WDR64: variants seen among roughly 807,000 people sequenced by gnomAD.
WDR64 encodes the protein WD repeat domain 64, also known as WD repeat-containing protein 64.
WDR64 carries 112 observed loss-of-function variants against 139.3 expected under a neutral mutation model. The observed-to-expected ratio is 0.80, with a 90% CI of 0.69 to 0.94. WDR64 has a LOEUF of 0.94. WDR64 is among the 40% of genes least tolerant of loss of function. The pLI, the probability that WDR64 is intolerant of heterozygous loss-of-function variation, is 0.00. For missense variants in WDR64, 1,206 were observed against 1,293.1 expected (o/e 0.93, Z 1.03); for synonymous variants, 444 against 437.7 (o/e 1.01, Z -0.18).
intron 13 of WDR64, 114 bp from the exon 14 acceptor site, chr1:241,749,433 T>C: frequency 8.0e-7 from 1 of 1,252,676 alleles, no homozygotes; most frequent in South Asian, 1.4e-5. Context: ...AGGGAATAAA[T>C]ATAGGATAAA....
chr1:241,698,697 C>A (rs1488625087), intron 8 of WDR64, among the ~76,000 whole-genome samples: 1 of 152,164 alleles, frequency 6.6e-6, no homozygotes, highest in Non-Finnish European at 1.5e-5. Flanking sequence ...CCTCTTCTTT[C>A]TGTCCCCCAA....
rs139463512 is a variant in WDR64 at position 241,767,125 on chromosome 1, T to A, written c.2081+774T>A. 9.3e-3 allele frequency among the ~76,000 whole-genome samples: 1,419 copies of A among 152,236 alleles called. 21 individuals carry two copies. The highest frequency in any genetic ancestry group is 0.01 in the Non-Finnish European group (694 of 68,012). On this transcript the variant is annotated intron_variant, in intron 16 of 27. Transcript: ENST00000437684. ...ACTTCTCCCCTTCCTGTATCCCCAG[T>A]GCCACCACCATCTACTCAGCCACCA...
intron 15 of WDR64, among the ~76,000 whole-genome samples, chr1:241,758,529 G>A (rs996367560): frequency 1.3e-5 from 2 of 152,154 alleles, no homozygotes; most frequent in Non-Finnish European, 2.9e-5. Flanking sequence ...CAATTTTAAA[G>A]TGAAGAATAG....
intron 25 of WDR64, among the ~76,000 whole-genome samples, chr1:241,793,423 C>T (rs183357484): frequency 1.3e-5 from 2 of 152,274 alleles, no homozygotes; most frequent in South Asian, 2.1e-4. Flanking sequence ...TTAACAGTAT[C>T]TACCTTCAAA....
At chr1:241,779,130 G>C (rs937709532) in intron 21 of WDR64, among the ~76,000 whole-genome samples, 2 of 151,910 alleles carry the variant, frequency 1.3e-5, no homozygotes, top group Admixed American at 6.6e-5. Flanking sequence ...GGTTAATTTT[G>C]CAAAGTACAG....
chr1:241,771,925 T>TACATACAC (rs1232826058), intron 19 of WDR64, among the ~76,000 whole-genome samples: 2 of 53,862 alleles, frequency 3.7e-5, no homozygotes, highest in Non-Finnish European at 8.2e-5. Flanking sequence ...CATATATACA[T>TACATACAC]ACATATACAT....
intron 14 of WDR64, among the ~76,000 whole-genome samples, chr1:241,752,716 TG>T (rs1426428399): frequency 6.6e-6 from 1 of 152,112 alleles, no homozygotes; most frequent in African/African-American, 2.4e-5. Context: ...CCAGGCATGG[TG>T]TCACACACCT....
At chr1:241,727,255 A>G (rs1574046627) in intron 10 of WDR64, among the ~76,000 whole-genome samples, 1 of 152,234 alleles carries the variant, frequency 6.6e-6, no homozygotes, top group Non-Finnish European at 1.5e-5. Context: ...AAAACTAAAA[A>G]CATGTTACGA....
intron 10 of WDR64, among the ~76,000 whole-genome samples, chr1:241,732,424 A>T (rs140050821): frequency 2.4e-4 from 36 of 152,296 alleles, no homozygotes; most frequent in African/African-American, 7.0e-4. Context: ...AGAATTTTGT[A>T]ATTATTTGAT....
chr1:241,761,361 T>C (rs1475506786), intron 15 of WDR64, among the ~76,000 whole-genome samples: 6 of 152,140 alleles, frequency 3.9e-5, no homozygotes, highest in African/African-American at 7.2e-5. Flanking sequence ...ACCTTTAATA[T>C]AGCCCCAAAC....
chr1:241,771,902 A>C (rs1294334994), intron 19 of WDR64, among the ~76,000 whole-genome samples: 4 of 143,534 alleles, frequency 2.8e-5, no homozygotes, highest in African/African-American at 7.6e-5. Context: ...ATATACATAC[A>C]TACACACATA....
intron 4 of WDR64, among the ~76,000 whole-genome samples, chr1:241,676,596 G>A (rs893675403): frequency 1.2e-4 from 18 of 151,994 alleles, no homozygotes; most frequent in Non-Finnish European, 1.9e-4. Flanking sequence ...TAAGTCAGGC[G>A]GCATTATCAC....
intron 12 of WDR64, among the ~76,000 whole-genome samples, chr1:241,742,337 G>T (rs1360680548): frequency 6.6e-6 from 1 of 152,180 alleles, no homozygotes. Context: ...AGAGCTACTG[G>T]GCTGCATTCC....
At position 241,671,103 on chromosome 1, in the gene WDR64, T is replaced by C. The variant is rs761041861; in HGVS notation, c.306T>C (p.Asp102=). 25 of 1,550,842 alleles carry C rather than the reference T, an allele frequency of 1.6e-5. No homozygotes were observed. The highest frequency in any genetic ancestry group is 1.7e-4 in the Middle Eastern group (1 of 6,010). ...EIFGYFSSEE[D]PIASQLDEEN... ...TTGGATACTTCTCCTCTGAAGAAGATCCTATTGCTTCCCAGTTGGATGAAG... is the reference window on the plus strand; with the variant it reads ...TTGGATACTTCTCCTCTGAAGAAGACCCTATTGCTTCCCAGTTGGATGAAG... Residue 102 remains aspartate, a synonymous_variant, in exon 3 of 28, where the codon GAT becomes GAC. Transcript: ENST00000437684.
chr1:241,777,379 C>T lies in WDR64; in HGVS notation c.2536+2169C>T, dbSNP rs534284178. On this transcript the variant is annotated intron_variant, in intron 21 of 27. Transcript: ENST00000437684. ...TAAGTTTCCATGTGAGCAATGCTCT[C>T]GCTGCATACCACAAATTTTGATAAG... 1.4e-4 allele frequency among the ~76,000 whole-genome samples: 21 copies of T among 151,658 alleles called. 1 individual carries two copies. In the South Asian group the frequency reaches 3.3e-3, roughly 24 times the overall value.
chr1:241,795,849 T>C (rs1315484514), intron 26 of WDR64, among the ~76,000 whole-genome samples: 2 of 152,222 alleles, frequency 1.3e-5, no homozygotes, highest in African/African-American at 2.4e-5. Flanking sequence ...CAAATTAACT[T>C]ATATCTTAGA....
chr1:241,773,956 A>C (rs1658557095), intron 20 of WDR64, among the ~76,000 whole-genome samples: 1 of 152,240 alleles, frequency 6.6e-6, no homozygotes, highest in Non-Finnish European at 1.5e-5. Flanking sequence ...TTAGTTTACC[A>C]AACAGTTGAA....
intron 16 of WDR64, among the ~76,000 whole-genome samples, chr1:241,767,581 T>C (rs779836434): frequency 6.6e-6 from 1 of 152,028 alleles, no homozygotes; most frequent in Non-Finnish European, 1.5e-5. Context: ...CGGGAAGAGA[T>C]ATAAAAGAGG....
intron 8 of WDR64, among the ~76,000 whole-genome samples, chr1:241,705,408 G>A (rs1383236141): frequency 6.6e-6 from 1 of 151,676 alleles, no homozygotes; most frequent in Non-Finnish European, 1.5e-5. Flanking sequence ...AGGGCATGGT[G>A]GCGGGCGCCT....
Sources: gnomAD v4.1 joint callset for allele counts (sites outside exome capture counted in the v4.1 genomes callset) on GRCh38, gnomAD v4.1.1 for gene constraint, MANE v1.5 for transcripts, NCBI Gene and HGNC (gene_info 2026-07-23, HGNC 2026-07-21) for gene names.